The following CDH4 variants were observed in gnomAD, a reference collection of about 807,000 sequenced individuals.
The protein encoded by CDH4 is cadherin 4, also known as cadherin-4.
CDH4 carries 33 observed loss-of-function variants against 86.0 expected under a neutral mutation model. The ratio of observed to expected loss-of-function variants is 0.38; its 90% CI spans 0.29 to 0.51. The LOEUF is 0.51. Among genes scored for constraint, CDH4 ranks in the 20% least tolerant of loss-of-function variants. The probability of loss-of-function intolerance (pLI) is 0.86; values close to 1 mark genes in which losing one functional copy is unlikely to be tolerated. For synonymous variants in CDH4, 555 were observed against 549.4 expected (o/e 1.01, Z -0.14); for missense variants, 1,114 against 1,307.4 (o/e 0.85, Z 2.28).
intron 2 of CDH4, among the ~76,000 whole-genome samples, chr20:61,497,516 C>G (rs1184326028): frequency 6.6e-6 from 1 of 152,172 alleles, no homozygotes; most frequent in African/African-American, 2.4e-5. Context: ...GATACCATCT[C>G]ACACCAGTTA....
intron 4 of CDH4, among the ~76,000 whole-genome samples, chr20:61,781,730 A>G (rs1398841041): frequency 6.6e-6 from 1 of 152,236 alleles, no homozygotes; most frequent in Non-Finnish European, 1.5e-5. Flanking sequence ...ACTTTCCCAC[A>G]TGTGGTAGTG....
chr20:61,481,710 G>T (rs2085569343), intron 2 of CDH4, among the ~76,000 whole-genome samples: 1 of 152,190 alleles, frequency 6.6e-6, no homozygotes, highest in Admixed American at 6.5e-5. Context: ...ACACGGTATG[G>T]ATACAAATGG....
At chr20:61,255,013 C>T in intron 2 of CDH4, 76 bp downstream of exon 2, 1 of 858,338 alleles carries the variant, frequency 1.2e-6, no homozygotes, top group South Asian at 1.4e-5. Context: ...ATGGGAGAGG[C>T]AAGGCTTGCC....
chr20:61,603,696 C>G (rs1245736779), intron 2 of CDH4, among the ~76,000 whole-genome samples: 1 of 152,190 alleles, frequency 6.6e-6, no homozygotes, highest in African/African-American at 2.4e-5. Context: ...AAGTGAGCAG[C>G]AAAGTGCCTG....
rs1420763613 is a variant in CDH4, at chr20:61,283,531, GCATTTACA to G, written c.169+28596_169+28603del. Among the ~76,000 whole-genome samples, 451 of 133,368 alleles carry G rather than the reference GCATTTACA, an allele frequency of 3.4e-3. 42 individuals are homozygous for G. The highest frequency in any genetic ancestry group is 8.1e-3 in the Middle Eastern group (2 of 246). The allele number at this position is 133,368 out of a possible 152,430, so 87.5% of individuals were successfully genotyped here. ...GTGTGCTGTGGTGTGTGATGTAGGT[GCATTTACA>G]CGCGTGTGCTGTGGTGTGTGATGTA... On this transcript the variant is annotated intron_variant, in intron 2 of 15. Coordinates refer to ENST00000614565, the MANE Select transcript of CDH4 (RefSeq NM_001794.5).
chr20:61,809,095 G>A (rs867606182), intron 4 of CDH4, among the ~76,000 whole-genome samples: 1 of 152,260 alleles, frequency 6.6e-6, no homozygotes, highest in Non-Finnish European at 1.5e-5. Flanking sequence ...CTGCAGGCAC[G>A]TGGCCAGGGG....
At chr20:61,641,179 C>T (rs1003569262) in intron 2 of CDH4, among the ~76,000 whole-genome samples, 1 of 152,194 alleles carries the variant, frequency 6.6e-6, no homozygotes, top group East Asian at 1.9e-4. Context: ...CAGCCTGGCA[C>T]AGGGTCTGGG....
At position 61,575,857 on chromosome 20, in the gene CDH4, G is replaced by T. The variant is rs142455170; in HGVS notation, c.170-167706G>T. On this transcript the variant is annotated intron_variant, in intron 2 of 15. Transcript: ENST00000614565. The stretch of plus-strand genomic sequence containing the variant: ...GTAGGCACAGCTTCCCTGGGGACAT[G>T]TGAGCCACCCAAGTCTCAGGAATAA... 3.4e-3 allele frequency among the ~76,000 whole-genome samples: 518 copies of T among 152,330 alleles called. 6 individuals are homozygous for T. The highest frequency in any genetic ancestry group is 0.012 in the African/African-American group (489 of 41,560).
chr20:61,475,669 C>CCT (rs2085532132), intron 2 of CDH4, among the ~76,000 whole-genome samples: 1 of 108,894 alleles, frequency 9.2e-6, no homozygotes, highest in Non-Finnish European at 1.8e-5. Flanking sequence ...TCTCTCTCTT[C>CCT]CTCTCTCTCT....
chr20:61,436,536 G>A (rs932422051), intron 2 of CDH4: 1 of 152,298 alleles, frequency 6.6e-6, no homozygotes, highest in Non-Finnish European at 1.5e-5. Flanking sequence ...GGTCTGGGAG[G>A]GGCAGAATTT....
chr20:61,418,747 T>C (rs1020096114), intron 2 of CDH4, among the ~76,000 whole-genome samples: 6 of 152,162 alleles, frequency 3.9e-5, no homozygotes, highest in Non-Finnish European at 8.8e-5. Context: ...GATGGAGGTA[T>C]GGACAGGGCT....
intron 2 of CDH4, among the ~76,000 whole-genome samples, chr20:61,658,569 G>T (rs2087217372): frequency 1.3e-5 from 2 of 152,186 alleles, no homozygotes; most frequent in African/African-American, 4.8e-5. Context: ...AGGAGCAAAG[G>T]ATGGGTGGCC....
At chr20:61,825,684 T>G (rs375422734) in intron 4 of CDH4, among the ~76,000 whole-genome samples, 3 of 152,328 alleles carry the variant, frequency 2.0e-5, no homozygotes, top group South Asian at 2.1e-4. Flanking sequence ...GAATTTGAAC[T>G]CATCTGGTCT....
intron 2 of CDH4, among the ~76,000 whole-genome samples, chr20:61,739,948 G>A (rs994317287): frequency 2.0e-5 from 3 of 152,182 alleles, no homozygotes; most frequent in East Asian, 1.9e-4. Flanking sequence ...CGTCAGGAGC[G>A]TCCTCTCTGT....
chr20:61,383,488 A>G (rs1298969384), intron 2 of CDH4, among the ~76,000 whole-genome samples: 1 of 82,394 alleles, frequency 1.2e-5, no homozygotes, highest in Admixed American at 1.5e-4. Context: ...TATGATATAT[A>G]TGAAATATAT....
At chr20:61,847,536 A>G (rs1403452928) in intron 5 of CDH4, among the ~76,000 whole-genome samples, 1 of 152,246 alleles carries the variant, frequency 6.6e-6, no homozygotes, top group East Asian at 1.9e-4. Flanking sequence ...CCGTGCAAAC[A>G]TGCCGTGTAA....
intron 2 of CDH4, among the ~76,000 whole-genome samples, chr20:61,596,639 C>A (rs999720319): frequency 6.6e-6 from 1 of 152,178 alleles, no homozygotes; most frequent in Admixed American, 6.5e-5. Context: ...ATCTTGAACA[C>A]CAGCTCTGGT....
intron 2 of CDH4, among the ~76,000 whole-genome samples, chr20:61,613,274 A>G (rs1162790164): frequency 6.6e-6 from 1 of 152,134 alleles, no homozygotes; most frequent in Admixed American, 6.5e-5. Context: ...GACCAGAGAG[A>G]CACAGCTGCT....
In CDH4 at chr20:61,392,455, A is replaced by G. The variant is rs190408692; in HGVS notation, c.169+137518A>G. Among the ~76,000 whole-genome samples the G allele has an allele frequency of 2.0e-5, 3 of 152,268 alleles. 1 individual carries two copies. Among genetic ancestry groups the G allele is most frequent in the Admixed American group, 2.0e-4 (3 of 15,288 alleles). On this transcript the variant is annotated intron_variant, in intron 2 of 15. Coordinates refer to ENST00000614565, the MANE Select transcript of CDH4 (RefSeq NM_001794.5). The surrounding 1 kb of genome is among the most constrained non-coding windows in gnomAD (Gnocchi z 5.7). ...AGAACTGAGTTCCTTGAATATTAAA[A>G]TTAACCTTTTTTAATAACAGAAATG...
Sources: allele counts gnomAD v4.1 joint callset (sites outside exome capture counted in the v4.1 genomes callset), GRCh38; gene constraint gnomAD v4.1.1; non-coding constraint Gnocchi (gnomAD v3.1); transcripts MANE v1.5; gene names NCBI Gene and HGNC (gene_info 2026-07-23, HGNC 2026-07-21).